Variants in RNF144B observed in about 807,000 individuals in gnomAD.
The protein encoded by RNF144B is E3 ubiquitin-protein ligase RNF144B.
Under a neutral mutation model 40.2 loss-of-function variants are expected in RNF144B, and 25 were observed. The observed-to-expected ratio is 0.62, with a 90% confidence interval of 0.45 to 0.87. RNF144B has a LOEUF of 0.87. RNF144B is among the 40% of genes least tolerant of loss of function. The probability of loss-of-function intolerance (pLI) is 0.00; values close to 1 mark genes in which losing one functional copy is unlikely to be tolerated. For synonymous variants in RNF144B, 145 were observed against 136.3 expected, an observed-to-expected ratio of 1.06 and a Z score of -0.44; for missense variants, 365 against 373.7, an observed-to-expected ratio of 0.98 and a Z score of 0.19.
chr6:18,453,386 C>T (rs1969840), intron 4 of RNF144B, among the ~76,000 whole-genome samples: 19,006 of 152,000 alleles, frequency 0.13, 1,362 homozygotes, highest in Admixed American at 0.19. Flanking sequence ...GATCCACCCG[C>T]CTCAGCCTCC....
At chr6:18,436,706 A>C (rs1275252551) in intron 3 of RNF144B, among the ~76,000 whole-genome samples, 1 of 152,188 alleles carries the variant, frequency 6.6e-6, no homozygotes, top group African/African-American at 2.4e-5. Flanking sequence ...AGTCAATTTT[A>C]CAGTACTTGT....
At chr6:18,421,032 A>T (rs1212695970) in intron 2 of RNF144B, among the ~76,000 whole-genome samples, 4 of 152,146 alleles carry the variant, frequency 2.6e-5, no homozygotes, top group African/African-American at 9.6e-5. Context: ...AGGCAGACAG[A>T]TCACTTGAGC....
At position 18,406,707 on chromosome 6, in the gene RNF144B, T is replaced by C. The variant is rs1794918077; in HGVS notation, c.165+7008T>C. Among the ~76,000 whole-genome samples the C allele has an allele frequency of 6.6e-6, 1 of 151,996 alleles. No homozygotes were observed. The highest frequency in any genetic ancestry group is 2.4e-5 in the African/African-American group (1 of 41,366). On this transcript the variant is annotated intron_variant, in intron 2 of 7. Coordinates refer to ENST00000259939, the MANE Select transcript of RNF144B (RefSeq NM_182757.4). This position sits in a 1 kb window ranked among gnomAD's most constrained non-coding sequence, Gnocchi z 4.2. ...GCAGGGAGACGAATTCTTTCCTCCTTTTGTTCTTTTTAGGCCCTTAATGGA... is the reference window on the plus strand; with the variant it reads ...GCAGGGAGACGAATTCTTTCCTCCTCTTGTTCTTTTTAGGCCCTTAATGGA...
chr6:18,428,164 G>C (rs1758608203), intron 3 of RNF144B, among the ~76,000 whole-genome samples: 2 of 152,134 alleles, frequency 1.3e-5, no homozygotes, highest in Admixed American at 1.3e-4. Flanking sequence ...ACTACTCCTT[G>C]CTGCGGCCAT....
Position 18,458,432 on chromosome 6 carries a change from T to C in RNF144B, c.536+1073T>C, listed in dbSNP as rs959683276. 1.3e-5 allele frequency among the ~76,000 whole-genome samples: 2 copies of C among 152,208 alleles called. No homozygotes were observed. The highest frequency in any genetic ancestry group is 2.9e-5 in the Non-Finnish European group (2 of 68,030). ...TTCATGAATAGTAATGCTACTTGGC[T>C]ACGATGCTGTGCTTGAATCTCAGAA... On this transcript the variant is annotated intron_variant, in intron 5 of 7. Coordinates refer to ENST00000259939, the MANE Select transcript of RNF144B (RefSeq NM_182757.4). The surrounding 1 kb of genome is among the most constrained non-coding windows in gnomAD (Gnocchi z 4.8).
At position 18,399,564 on chromosome 6, in the gene RNF144B, C is replaced by T. The variant is rs750243828; in HGVS notation, c.30C>T (p.Leu10=). 28 of 1,613,992 alleles carry T rather than the reference C, an allele frequency of 1.7e-5. No homozygotes were observed. The highest frequency in any genetic ancestry group is 2.2e-5 in the East Asian group (1 of 44,892). The change falls in exon 2 of 8, where the codon CTC becomes CTT. Residue 10 remains leucine (L), a synonymous_variant. Transcript: ENST00000259939. Reference sequence around the variant, plus strand: ...GCTCAGCTGGTAGGCTCCACTATCTCGCCATGACTGCTGAAAATCCCACTC... The same window carrying T: ...GCTCAGCTGGTAGGCTCCACTATCTTGCCATGACTGCTGAAAATCCCACTC... The part of the protein sequence containing the change: MGSAGRLHY[L]AMTAENPTPG...
rs1391593735 is a variant in RNF144B at position 18,412,510 on chromosome 6, A to G, written c.165+12811A>G. On this transcript the variant is annotated intron_variant, in intron 2 of 7. Transcript: ENST00000259939. The surrounding 1 kb of genome is among the most constrained non-coding windows in gnomAD (Gnocchi z 4.2). ...AGTATATTACACATAGAAGACATGA[A>G]TGAATGAAAAAATGGTGGTGTTCAG... 6.6e-6 allele frequency among the ~76,000 whole-genome samples: 1 copy of G among 152,198 alleles called. No homozygotes were observed. Among genetic ancestry groups the G allele is most frequent in the Non-Finnish European group, 1.5e-5 (1 of 68,034 alleles).
rs1253931400 is a variant in RNF144B at position 18,456,159 on chromosome 6, TG to T, written c.332-995del. ...GGATGGTCTTGATCTCCTAACCTTG[TG>T]ATCCGCCTACCTCAGCCTCCCAAAG... On this transcript the variant is annotated intron_variant, in intron 4 of 7. Transcript: ENST00000259939. The surrounding 1 kb of genome is among the most constrained non-coding windows in gnomAD (Gnocchi z 4.7). Among the ~76,000 whole-genome samples, 2 of 152,170 alleles carry T rather than the reference TG, an allele frequency of 1.3e-5. No individual in the cohort carries two copies. The highest frequency in any genetic ancestry group is 2.9e-5 in the Non-Finnish European group (2 of 68,036).
rs1263700168 is a variant in RNF144B, at chr6:18,434,112, C to T, written c.271-5572C>T. ...GTAGCAGAAGCATGATTTGAAGGAC[C>T]AAACCTAAGTAAAGTCTGGGCGCTT... On this transcript the variant is annotated intron_variant, in intron 3 of 7. Transcript: ENST00000259939. The surrounding 1 kb of genome is among the most constrained non-coding windows in gnomAD (Gnocchi z 4.1). Among the ~76,000 whole-genome samples the T allele has an allele frequency of 6.6e-6, 1 of 152,156 alleles. No individual in the cohort carries two copies. Among genetic ancestry groups the T allele is most frequent in the Admixed American group, 6.5e-5 (1 of 15,272 alleles).
chr6:18,449,302 A>T (rs1049954500), intron 4 of RNF144B, among the ~76,000 whole-genome samples: 1 of 152,230 alleles, frequency 6.6e-6, no homozygotes, highest in Non-Finnish European at 1.5e-5. Context: ...TGCAATTTTT[A>T]AAAATGTGCA....
rs1484176021 is a variant in RNF144B at position 18,405,926 on chromosome 6, CTAGAATTG to C, written c.165+6230_165+6237del. 1.3e-5 allele frequency among the ~76,000 whole-genome samples: 2 copies of C among 152,144 alleles called. No individual in the cohort carries two copies. The highest frequency in any genetic ancestry group is 2.4e-5 in the African/African-American group (1 of 41,432). On this transcript the variant is annotated intron_variant, in intron 2 of 7. Transcript: ENST00000259939. This position sits in a 1 kb window ranked among gnomAD's most constrained non-coding sequence, Gnocchi z 4.5. ...ATGTCTTTGTCATAGCATCATAGTC[CTAGAATTG>C]TAAGTGACCTTAGATCTTCTAGTTC...
Position 18,439,547 on chromosome 6 carries a change from G to C in RNF144B, c.271-137G>C, listed in dbSNP as rs1758908643. 3 of 639,844 alleles carry C rather than the reference G, an allele frequency of 4.7e-6. No individual in the cohort carries two copies. The South Asian group carries it at 5.7e-5, about 12-fold the overall frequency. The allele number at this position is 639,844 out of a possible 1,614,324, so 39.6% of individuals were successfully genotyped here. ...TTGCATGTGTTTTACTACATGAACA[G>C]TGTGGAGAAAAAGAGGTTTGCAAAC... On this transcript the variant is annotated intron_variant, in intron 3 of 7. Coordinates refer to ENST00000259939, the MANE Select transcript of RNF144B (RefSeq NM_182757.4).
In RNF144B at chr6:18,442,967, G is replaced by C. The variant is rs1354001330; in HGVS notation, c.331+3223G>C. Among the ~76,000 whole-genome samples the C allele has an allele frequency of 2.0e-5, 3 of 151,948 alleles. No homozygotes were observed. Among genetic ancestry groups the C allele is most frequent in the African/African-American group, 7.3e-5 (3 of 41,328 alleles). The stretch of plus-strand genomic sequence containing the variant: ...ACATTTCAGTTGTTTCCACCTTTTG[G>C]CTACTGTAAGTAATGCTGCTGTGAA... On this transcript the variant is annotated intron_variant, in intron 4 of 7. Transcript: ENST00000259939. The surrounding 1 kb of genome is among the most constrained non-coding windows in gnomAD (Gnocchi z 4.3).
chr6:18,457,647 C>T lies in RNF144B; in HGVS notation c.536+288C>T, dbSNP rs964011284. Among the ~76,000 whole-genome samples the T allele has an allele frequency of 2.0e-5, 3 of 152,144 alleles. No homozygotes were observed. Among genetic ancestry groups the T allele is most frequent in the African/African-American group, 7.2e-5 (3 of 41,438 alleles). On this transcript the variant is annotated intron_variant, in intron 5 of 7. Transcript: ENST00000259939. The surrounding 1 kb of genome is among the most constrained non-coding windows in gnomAD (Gnocchi z 5.1). ...GGTCTACTGGTTCTCAGTAGGAAAT[C>T]ATGACTTGTTCCCGCTCTTTGCTCA...
Position 18,406,130 on chromosome 6 carries a change from C to A in RNF144B, c.165+6431C>A, listed in dbSNP as rs1471102287. On this transcript the variant is annotated intron_variant, in intron 2 of 7. Coordinates refer to ENST00000259939, the MANE Select transcript of RNF144B (RefSeq NM_182757.4). The surrounding 1 kb of genome is among the most constrained non-coding windows in gnomAD (Gnocchi z 4.2). ...TAGTGGTGAACGATCAGATTAAGCC[C>A]TGGTTTTCAAATAACTCAACTTTTC... The A allele has an allele frequency of 3.9e-6, 2 of 518,868 alleles. No individual in the cohort carries two copies. The highest frequency in any genetic ancestry group is 3.8e-6 in the Non-Finnish European group (1 of 259,816). The allele number at this position is 518,868 out of a possible 1,614,324, so 32.1% of individuals were successfully genotyped here.
rs1759367220 is a variant in RNF144B at position 18,457,935 on chromosome 6, T to TTTTG, written c.536+579_536+580insGTTT. Among the ~76,000 whole-genome samples the TTTTG allele has an allele frequency of 6.6e-6, 1 of 151,944 alleles. No individual in the cohort carries two copies. The highest frequency in any genetic ancestry group is 2.4e-5 in the African/African-American group (1 of 41,360). ...GTACCTTTTTAGTACAGCGGGTTTT[T>TTTTG]TTTTGTTTTGTTTTGTTTTTGAGAC... is the stretch of plus-strand genomic sequence containing the variant. On this transcript the variant is annotated intron_variant, in intron 5 of 7. Coordinates refer to ENST00000259939, the MANE Select transcript of RNF144B (RefSeq NM_182757.4). This position sits in a 1 kb window ranked among gnomAD's most constrained non-coding sequence, Gnocchi z 5.1.
intron 2 of RNF144B, among the ~76,000 whole-genome samples, chr6:18,420,455 G>T (rs1000515334): frequency 1.1e-4 from 17 of 152,086 alleles, no homozygotes; most frequent in Admixed American, 1.1e-3. Flanking sequence ...ATATAATCTA[G>T]ATCTAGAAGG....
At chr6:18,426,817 A>G (rs984991867) in intron 2 of RNF144B, among the ~76,000 whole-genome samples, 6 of 140,284 alleles carry the variant, frequency 4.3e-5, no homozygotes, top group South Asian at 2.2e-4. Flanking sequence ...CATTTTTTCT[A>G]TTCAATTTCT....
chr6:18,414,040 C>T lies in RNF144B; in HGVS notation c.166-13541C>T, dbSNP rs1048353856. On this transcript the variant is annotated intron_variant, in intron 2 of 7. Transcript: ENST00000259939. This position sits in a 1 kb window ranked among gnomAD's most constrained non-coding sequence, Gnocchi z 4.9. ...TTTTTAGAAAATGTTAAAAAAAATT[C>T]CAGGTTTTGCAGGATAAATCCTCGG... is the stretch of plus-strand genomic sequence containing the variant. 6.6e-6 allele frequency among the ~76,000 whole-genome samples: 1 copy of T among 152,016 alleles called. No individual in the cohort carries two copies. The highest frequency in any genetic ancestry group is 6.6e-5 in the Admixed American group (1 of 15,256).
Sources: allele counts gnomAD v4.1 joint callset (sites outside exome capture counted in the v4.1 genomes callset), GRCh38; gene constraint gnomAD v4.1.1; non-coding constraint Gnocchi (gnomAD v3.1); transcripts MANE v1.5; gene names NCBI Gene and HGNC (gene_info 2026-07-23, HGNC 2026-07-21).